CHL1: variants seen among roughly 807,000 people sequenced by gnomAD.
CHL1 encodes neural cell adhesion molecule L1-like protein.
In CHL1, 96 loss-of-function variants were observed where a neutral mutation model predicts 141.9. The observed-to-expected ratio is 0.68, with a 90% CI of 0.57 to 0.80. The LOEUF is 0.80. Among genes scored for constraint, CHL1 ranks in the 30% least tolerant of loss-of-function variants. The probability of loss-of-function intolerance (pLI) is 0.00; values close to 1 mark genes in which losing one functional copy is unlikely to be tolerated. For synonymous variants in CHL1, 613 were observed against 502.2 expected (o/e 1.22, Z -2.95); for missense variants, 1,820 against 1,457.2 (o/e 1.25, Z -4.05).
intron 18 of CHL1, among the ~76,000 whole-genome samples, 166 bp from the exon 19 acceptor site, chr3:383,650 T>C (rs958204685): frequency 6.6e-6 from 1 of 152,208 alleles, no homozygotes; most frequent in African/African-American, 2.4e-5. Flanking sequence ...ATAAAATACA[T>C]ATTTAAAATC....
At chr3:258,357 T>C (rs1253146223) in intron 2 of CHL1, among the ~76,000 whole-genome samples, 1 of 152,222 alleles carries the variant, frequency 6.6e-6, no homozygotes, top group Admixed American at 6.5e-5. Context: ...CTGAAGGGTA[T>C]TGCCATTGCA....
At chr3:377,218 G>C (rs113243486) in intron 15 of CHL1, among the ~76,000 whole-genome samples, 2 of 152,280 alleles carry the variant, frequency 1.3e-5, no homozygotes, top group African/African-American at 4.8e-5. Flanking sequence ...TAAAAAGTGA[G>C]GTGAAATGAT....
At chr3:323,566 G>A (rs533596928) in intron 3 of CHL1, among the ~76,000 whole-genome samples, 1 of 152,062 alleles carries the variant, frequency 6.6e-6, no homozygotes, top group African/African-American at 2.4e-5. Context: ...AACTACACTT[G>A]TATCTACAAT....
chr3:247,054 G>C (rs1461015946), intron 2 of CHL1: 1 of 151,704 alleles, frequency 6.6e-6, no homozygotes, highest in African/African-American at 2.4e-5. Context: ...CATAAAGAGA[G>C]TAGAGAAGAG....
At chr3:228,531 C>T (rs1210214620) in intron 1 of CHL1, among the ~76,000 whole-genome samples, 1 of 152,254 alleles carries the variant, frequency 6.6e-6, no homozygotes, top group South Asian at 2.1e-4. Context: ...CAAATGACTA[C>T]ACTTAGGTTA....
In CHL1 at chr3:390,936, A is replaced by C. The variant is rs1480345363; in HGVS notation, c.2587-19A>C. ...GCGACCACAATGGATATACTAAAAGATTTTGGTTTTCATTGCAGATAAATT... is the reference window on the plus strand; with the variant it reads ...GCGACCACAATGGATATACTAAAAGCTTTTGGTTTTCATTGCAGATAAATT... On this transcript the variant is annotated intron_variant, in intron 21 of 27. Transcript: ENST00000256509. The C allele has an allele frequency of 6.2e-7, 1 of 1,606,390 alleles. No homozygotes were observed. The highest frequency in any genetic ancestry group is 1.7e-4 in the Middle Eastern group (1 of 6,036).
chr3:365,545 G>T (rs980916053), intron 14 of CHL1, among the ~76,000 whole-genome samples: 1 of 152,022 alleles, frequency 6.6e-6, no homozygotes, highest in Non-Finnish European at 1.5e-5. Context: ...TTACCCTCAG[G>T]TTTCTGAATT....
At position 274,400 on chromosome 3, in the gene CHL1, C is replaced by G. The variant is rs376248710; in HGVS notation, c.-95+29708C>G. On this transcript the variant is annotated intron_variant, in intron 2 of 27. Coordinates refer to ENST00000256509, the MANE Select transcript of CHL1 (RefSeq NM_006614.4). ...TAGGAATGTGTTTGCCTAAGTTGAA[C>G]CATGCTCAAAAAAAGAACATTCCAA... Among the ~76,000 whole-genome samples, 5 of 152,236 alleles carry G rather than the reference C, an allele frequency of 3.3e-5. No homozygotes were observed. The East Asian group carries it at 7.7e-4, about 23-fold the overall frequency.
At chr3:260,251 G>A (rs1224609724) in intron 2 of CHL1, among the ~76,000 whole-genome samples, 5 of 143,638 alleles carry the variant, frequency 3.5e-5, no homozygotes, top group Non-Finnish European at 4.4e-5. Context: ...GTGACAGAGT[G>A]AAACTCTGTC....
At chr3:258,073 T>G (rs539751834) in intron 2 of CHL1, among the ~76,000 whole-genome samples, 18 of 152,250 alleles carry the variant, frequency 1.2e-4, no homozygotes, top group African/African-American at 4.3e-4. Context: ...GAGGACAGTC[T>G]CCAAAGGAGG....
intron 12 of CHL1, among the ~76,000 whole-genome samples, chr3:360,843 T>C (rs1046871220): frequency 6.7e-6 from 1 of 148,752 alleles, no homozygotes; most frequent in African/African-American, 2.5e-5. Context: ...TATGCAGTGT[T>C]TGGTTTTTTG....
intron 2 of CHL1, among the ~76,000 whole-genome samples, chr3:278,962 A>G (rs1696397284): frequency 6.6e-6 from 1 of 152,186 alleles, no homozygotes; most frequent in South Asian, 2.1e-4. Flanking sequence ...GTTTCAAGCA[A>G]CCTTGAGCTT....
chr3:283,592 C>G (rs1276535148), intron 2 of CHL1, among the ~76,000 whole-genome samples: 1 of 152,120 alleles, frequency 6.6e-6, no homozygotes, highest in Non-Finnish European at 1.5e-5. Flanking sequence ...TGATAGTTGT[C>G]TAATAAATAC....
intron 19 of CHL1, among the ~76,000 whole-genome samples, chr3:386,903 C>T (rs758410033): frequency 6.6e-6 from 1 of 152,022 alleles, no homozygotes; most frequent in Non-Finnish European, 1.5e-5. Flanking sequence ...TAAGTGTTCT[C>T]ATCATAAAAA....
intron 2 of CHL1, among the ~76,000 whole-genome samples, chr3:258,492 C>G (rs533198015): frequency 6.6e-6 from 1 of 152,326 alleles, no homozygotes; most frequent in African/African-American, 2.4e-5. Flanking sequence ...CCCCAGTTCT[C>G]CCCTGTGGAA....
intron 5 of CHL1, among the ~76,000 whole-genome samples, chr3:337,045 A>G (rs1162214570): frequency 6.6e-6 from 1 of 152,166 alleles, no homozygotes; most frequent in East Asian, 1.9e-4. Context: ...TAAATGTGAA[A>G]GCCTAATGGA....
intron 24 of CHL1, among the ~76,000 whole-genome samples, chr3:397,175 A>T (rs1708747075): frequency 1.3e-5 from 2 of 152,138 alleles, no homozygotes; most frequent in Admixed American, 1.3e-4. Context: ...ATTTTTCAAA[A>T]GCTTGCACTA....
At chr3:361,020 T>A (rs1001817632) in intron 12 of CHL1, among the ~76,000 whole-genome samples, 1 of 152,028 alleles carries the variant, frequency 6.6e-6, no homozygotes, top group Non-Finnish European at 1.5e-5. Context: ...GTTCCAAGTC[T>A]TTGCTATTGT....
chr3:346,834 C>A (rs1339055758), intron 9 of CHL1, among the ~76,000 whole-genome samples: 1 of 152,050 alleles, frequency 6.6e-6, no homozygotes, highest in South Asian at 2.1e-4. Flanking sequence ...CCTATAGTAA[C>A]AAAAATAATT....
Sources: allele counts gnomAD v4.1 joint callset (sites outside exome capture counted in the v4.1 genomes callset), GRCh38; gene constraint gnomAD v4.1.1; transcripts MANE v1.5; gene names NCBI Gene and HGNC (gene_info 2026-07-23, HGNC 2026-07-21).